COL22A1: variants seen among roughly 807,000 people sequenced by gnomAD.
COL22A1 encodes the protein collagen alpha-1(XXII) chain.
COL22A1 carries 221 observed loss-of-function variants against 248.9 expected under a neutral mutation model. The observed-to-expected ratio is 0.89, with a 90% CI of 0.80 to 0.99. COL22A1 has a LOEUF of 0.99. Ranked by LOEUF, COL22A1 falls within the 50% of genes least tolerant of loss-of-function variation. The probability of loss-of-function intolerance (pLI) is 0.00; values close to 1 mark genes in which losing one functional copy is unlikely to be tolerated. For synonymous variants in COL22A1, 891 were observed against 793.4 expected, an observed-to-expected ratio of 1.12 and a Z score of -2.07; for missense variants, 2,240 against 2,179.0, an observed-to-expected ratio of 1.03 and a Z score of -0.56.
At chr8:138,684,008 T>C (rs1247829233) in intron 39 of COL22A1, among the ~76,000 whole-genome samples, 1 of 152,100 alleles carries the variant, frequency 6.6e-6, no homozygotes, top group Non-Finnish European at 1.5e-5. Flanking sequence ...ACACCTGTAA[T>C]CCCAGCACTT....
At chr8:138,662,557 GACA>G (rs1348775008) in intron 42 of COL22A1, among the ~76,000 whole-genome samples, 1 of 152,156 alleles carries the variant, frequency 6.6e-6, no homozygotes, top group Admixed American at 6.5e-5. Flanking sequence ...CAATTTTCTG[GACA>G]ACATCAGGAA....
rs543038034 is a variant in COL22A1 at position 138,635,242 on chromosome 8, C to T, written c.3556-179G>A. 1.3e-3 allele frequency among the ~76,000 whole-genome samples: 194 copies of T among 152,220 alleles called. 2 individuals carry two copies. Among genetic ancestry groups the T allele is most frequent in the African/African-American group, 4.5e-3 (185 of 41,532 alleles). ...TATATATCTCAATAATAACTGACAA[C>T]ATTTATAAAAACAAACATGTCCTGA... On this transcript the variant is annotated intron_variant, in intron 48 of 64. Transcript: ENST00000303045.
At chr8:138,748,561 T>A (rs774548897) in intron 22 of COL22A1, among the ~76,000 whole-genome samples, 29 of 152,324 alleles carry the variant, frequency 1.9e-4, no homozygotes, top group Admixed American at 7.2e-4. Flanking sequence ...AGAGCTGTTA[T>A]GGGAGCTGCC....
chr8:138,853,256 T>C (rs1001779072), intron 3 of COL22A1, among the ~76,000 whole-genome samples: 2 of 152,234 alleles, frequency 1.3e-5, no homozygotes, highest in African/African-American at 2.4e-5. Flanking sequence ...GAGGGCCCCA[T>C]TGGAGCAGGT....
At chr8:138,685,123 G>C (rs1009095028) in intron 38 of COL22A1, 85 bp downstream of exon 38, 1 of 969,332 alleles carries the variant, frequency 1.0e-6, no homozygotes, top group Non-Finnish European at 1.6e-6. Flanking sequence ...TTTCTGCAAA[G>C]TTTGGCAGTT....
At chr8:138,726,498 CAA>C (rs371982028) in intron 23 of COL22A1, among the ~76,000 whole-genome samples, 12 of 95,572 alleles carry the variant, frequency 1.3e-4, no homozygotes, top group Admixed American at 2.3e-4. Context: ...CCTGTATCTA[CAA>C]AAAAAAAAAA....
intron 59 of COL22A1, among the ~76,000 whole-genome samples, chr8:138,603,642 G>A (rs1401637817): frequency 6.6e-6 from 1 of 152,170 alleles, no homozygotes; most frequent in Non-Finnish European, 1.5e-5. Context: ...GGAGCTACGG[G>A]TATTTCCTCT....
chr8:138,764,343 T>C (rs892458441), intron 16 of COL22A1, among the ~76,000 whole-genome samples: 1 of 152,220 alleles, frequency 6.6e-6, no homozygotes, highest in Non-Finnish European at 1.5e-5. Flanking sequence ...AGTGGGTCTC[T>C]CCTTTCATCT....
chr8:138,597,928 G>A (rs1817672677), intron 61 of COL22A1, among the ~76,000 whole-genome samples: 1 of 152,132 alleles, frequency 6.6e-6, no homozygotes, highest in African/African-American at 2.4e-5. Flanking sequence ...TGAAACCCAG[G>A]CTGACCACAG....
At chr8:138,673,597 C>G (rs1477879246) in intron 41 of COL22A1, among the ~76,000 whole-genome samples, 2 of 152,146 alleles carry the variant, frequency 1.3e-5, no homozygotes, top group African/African-American at 2.4e-5. Context: ...CCTGCCGAAG[C>G]CACAAAGCGA....
At chr8:138,763,408 A>G (rs959370130) in intron 16 of COL22A1, among the ~76,000 whole-genome samples, 1 of 152,034 alleles carries the variant, frequency 6.6e-6, no homozygotes, top group Non-Finnish European at 1.5e-5. Flanking sequence ...AAAAAGAAAA[A>G]GATCCCTATG....
chr8:138,842,889 G>A (rs1820989595), intron 4 of COL22A1, among the ~76,000 whole-genome samples: 1 of 152,184 alleles, frequency 6.6e-6, no homozygotes, highest in South Asian at 2.1e-4. Context: ...CTCTGAAAGT[G>A]CCAGTAGTTT....
In COL22A1 at chr8:138,588,525, G is replaced by C. The variant is rs1816785347; in HGVS notation, c.*728C>G. 1 of 152,200 alleles carries C rather than the reference G, an allele frequency of 6.6e-6. No homozygotes were observed. The highest frequency in any genetic ancestry group is 1.5e-5 in the Non-Finnish European group (1 of 68,054). The allele number at this position is 152,200 out of a possible 1,614,324, so 9.4% of individuals were successfully genotyped here. A position where few individuals can be genotyped will look rare whatever the true frequency, so the allele number is the denominator to read the frequency against. ...ACTCAAGGGCTGCCTCTTCAACATAGGTTTTCCCATCTTTGGCCAAGACAT... is the reference window on the plus strand; with the variant it reads ...ACTCAAGGGCTGCCTCTTCAACATACGTTTTCCCATCTTTGGCCAAGACAT... On this transcript the variant is annotated 3_prime_UTR_variant, in exon 65 of 65. Transcript: ENST00000303045.
chr8:138,691,776 GTGCA>G (rs1826943585), intron 35 of COL22A1, among the ~76,000 whole-genome samples: 1 of 147,524 alleles, frequency 6.8e-6, no homozygotes, highest in African/African-American at 2.6e-5. Context: ...ACGTAAGTGT[GTGCA>G]TGTTTGTGGA....
intron 1 of COL22A1, among the ~76,000 whole-genome samples, chr8:138,886,077 C>A (rs1824643282): frequency 6.6e-6 from 1 of 152,226 alleles, no homozygotes; most frequent in South Asian, 2.1e-4. Flanking sequence ...GGGCTGATAT[C>A]TGGATGCTTA....
chr8:138,644,626 G>A (rs989287379), intron 47 of COL22A1, among the ~76,000 whole-genome samples: 1 of 152,066 alleles, frequency 6.6e-6, no homozygotes, highest in Non-Finnish European at 1.5e-5. Flanking sequence ...ACCTTTTGAC[G>A]TCAGAGGTTT....
At chr8:138,604,663 G>A in intron 59 of COL22A1, 71 bp downstream of exon 59, 4 of 1,347,040 alleles carry the variant, frequency 3.0e-6, no homozygotes, top group Non-Finnish European at 4.3e-6. Context: ...TAAGCCCAGG[G>A]CCTGAGCCTG....
At chr8:138,782,063 T>A (rs559600758) in intron 12 of COL22A1, among the ~76,000 whole-genome samples, 17 of 152,268 alleles carry the variant, frequency 1.1e-4, no homozygotes, top group Non-Finnish European at 2.4e-4. Context: ...TGCAGGCATA[T>A]ACATGCTTTT....
At chr8:138,760,918 C>T (rs1833429138) in intron 17 of COL22A1, among the ~76,000 whole-genome samples, 1 of 152,172 alleles carries the variant, frequency 6.6e-6, no homozygotes, top group Non-Finnish European at 1.5e-5. Context: ...GCACAGAGCA[C>T]AGGGTAGTCC....
Sources: allele counts gnomAD v4.1 joint callset (sites outside exome capture counted in the v4.1 genomes callset), GRCh38; gene constraint gnomAD v4.1.1; transcripts MANE v1.5; gene names NCBI Gene and HGNC (gene_info 2026-07-23, HGNC 2026-07-21).